Variants in MARK3 observed in about 807,000 individuals in gnomAD.
MARK3 encodes microtubule affinity regulating kinase 3, also known as MAP/microtubule affinity-regulating kinase 3.
In MARK3, 46 loss-of-function variants were observed where a neutral mutation model predicts 90.1. The observed-to-expected ratio is 0.51, with a 90% CI of 0.40 to 0.65. The LOEUF (loss-of-function observed/expected upper bound fraction) is 0.65, where lower values mean the gene tolerates loss of function less well. MARK3 is among the 30% of genes least tolerant of loss of function. The pLI is 0.00. For missense variants in MARK3, 818 were observed against 947.2 expected (o/e 0.86, Z 1.79); for synonymous variants, 321 against 332.6 (o/e 0.97, Z 0.38).
At chr14:103,458,454 CAAAAAAAA>C (rs36020485) in intron 6 of MARK3, among the ~76,000 whole-genome samples, 6 of 30,784 alleles carry the variant, frequency 1.9e-4, no homozygotes, top group Admixed American at 1.6e-3. Flanking sequence ...GACTCCATCT[CAAAAAAAA>C]AAAAAAAAAA....
intron 13 of MARK3, among the ~76,000 whole-genome samples, chr14:103,479,881 C>G (rs1331108127): frequency 6.6e-6 from 1 of 152,130 alleles, no homozygotes; most frequent in East Asian, 1.9e-4. Context: ...CTCAGGAGAT[C>G]CGCCCACCTC....
intron 15 of MARK3, among the ~76,000 whole-genome samples, chr14:103,498,176 C>G (rs1355579859): frequency 2.0e-5 from 3 of 151,000 alleles, no homozygotes; most frequent in Non-Finnish European, 4.4e-5. Flanking sequence ...GAGATTGCAC[C>G]ACTGCACTGT....
intron 12 of MARK3, among the ~76,000 whole-genome samples, chr14:103,471,027 C>A (rs1460781490): frequency 6.6e-6 from 1 of 152,182 alleles, no homozygotes; most frequent in Non-Finnish European, 1.5e-5. Context: ...CTCATTCTCA[C>A]ATCAGGATTT....
At position 103,503,040 on chromosome 14, in the gene MARK3, A is replaced by G; in HGVS notation, c.2075A>G (p.Gln692Arg). The change falls in exon 18 of 18, where the codon CAG (glutamine) becomes CGG (arginine). Residue 692 changes from glutamine (Q) to arginine (R), a missense_variant. Around this residue, in one of 3 missense-constraint regions of MARK3, gnomAD observed 560 missense variants for 613.5 expected, o/e 0.91. Coordinates refer to ENST00000429436, the MANE Select transcript of MARK3 (RefSeq NM_001128918.3). Reference sequence around the variant, plus strand: ...GACGCCAATAACTGCGACTATGAGCAGAGGGAGCGCTTCTTGCTCTTCTGC... The same window carrying G: ...GACGCCAATAACTGCGACTATGAGCGGAGGGAGCGCTTCTTGCTCTTCTGC... ...VLDANNCDYE[Q>R]RERFLLFCVH... The G allele has an allele frequency of 6.2e-7, 1 of 1,614,254 alleles. No homozygotes were observed. The highest frequency in any genetic ancestry group is 8.5e-7 in the Non-Finnish European group (1 of 1,180,052).
rs532268849 is a variant in MARK3 at position 103,492,895 on chromosome 14, C to T, written c.1844+861C>T. 5.9e-5 allele frequency among the ~76,000 whole-genome samples: 9 copies of T among 152,260 alleles called. No individual in the cohort carries two copies. In the South Asian group the frequency reaches 1.9e-3, roughly 32 times the overall value. Reference sequence around the variant, plus strand: ...AAGGAGCCCAGGAAACCCAAGAGCCCCTGCAGTTTCAGGACATCCTTGGAG... The same window carrying T: ...AAGGAGCCCAGGAAACCCAAGAGCCTCTGCAGTTTCAGGACATCCTTGGAG... On this transcript the variant is annotated intron_variant, in intron 15 of 17. Transcript: ENST00000429436.
chr14:103,390,187 G>T (rs1481336194), intron 1 of MARK3, among the ~76,000 whole-genome samples: 1 of 152,040 alleles, frequency 6.6e-6, no homozygotes. Flanking sequence ...GGCGGAGCTT[G>T]CAGTGAGCCA....
intron 14 of MARK3, among the ~76,000 whole-genome samples, chr14:103,484,860 G>T (rs1055125103): frequency 1.1e-4 from 16 of 151,990 alleles, no homozygotes; most frequent in Admixed American, 3.9e-4. Context: ...GGCAGAGGTT[G>T]CAGTGAGCCG....
chr14:103,453,517 A>G (rs1019815087), intron 5 of MARK3, among the ~76,000 whole-genome samples: 4 of 152,232 alleles, frequency 2.6e-5, no homozygotes, highest in Non-Finnish European at 5.9e-5. Context: ...GTGGAAAACA[A>G]TGAGTTGTAG....
intron 2 of MARK3, among the ~76,000 whole-genome samples, chr14:103,427,454 C>A (rs968068873): frequency 3.6e-5 from 5 of 138,458 alleles, no homozygotes; most frequent in African/African-American, 8.1e-5. Flanking sequence ...GAGCCGAGAT[C>A]ATGTCACTGC....
At chr14:103,480,067 G>C (rs1437013728) in intron 13 of MARK3, among the ~76,000 whole-genome samples, 2 of 151,884 alleles carry the variant, frequency 1.3e-5, no homozygotes, top group Admixed American at 1.3e-4. Context: ...GTTGCAGTGA[G>C]CCGAGATCGC....
chr14:103,452,290 C>T (rs2093165426), intron 5 of MARK3, among the ~76,000 whole-genome samples: 1 of 151,966 alleles, frequency 6.6e-6, no homozygotes, highest in South Asian at 2.1e-4. Flanking sequence ...AGCATGTTCA[C>T]GTTGCCCTCA....
chr14:103,480,340 A>G (rs1397247366), intron 13 of MARK3, 47 bp from the exon 14 acceptor site: 1 of 1,102,590 alleles, frequency 9.1e-7, no homozygotes, highest in East Asian at 2.4e-5. Flanking sequence ...TTCTCATTGT[A>G]CTGTATTTAC....
At chr14:103,435,296 T>G (rs904625224) in intron 3 of MARK3, among the ~76,000 whole-genome samples, 1 of 152,166 alleles carries the variant, frequency 6.6e-6, no homozygotes, top group African/African-American at 2.4e-5. Context: ...TCTTGGCGGG[T>G]CTAGAAATGT....
chr14:103,451,035 AT>A (rs1471695243), intron 4 of MARK3, among the ~76,000 whole-genome samples: 1 of 144,866 alleles, frequency 6.9e-6, no homozygotes, highest in Non-Finnish European at 1.5e-5. Context: ...GGCTCAGGCC[AT>A]TCTCCCACCT....
At chr14:103,486,743 C>T (rs1439400244) in intron 14 of MARK3, among the ~76,000 whole-genome samples, 1 of 152,046 alleles carries the variant, frequency 6.6e-6, no homozygotes, top group Non-Finnish European at 1.5e-5. Flanking sequence ...AATTTGCAAA[C>T]ATCTTACTGA....
At chr14:103,473,511 G>A (rs532374909) in intron 12 of MARK3, among the ~76,000 whole-genome samples, 5 of 152,264 alleles carry the variant, frequency 3.3e-5, no homozygotes, top group African/African-American at 1.2e-4. Context: ...TCATGGTATT[G>A]GGAAGAAAGA....
chr14:103,468,789 CTT>C (rs372468049), intron 12 of MARK3, among the ~76,000 whole-genome samples: 57 of 138,548 alleles, frequency 4.1e-4, no homozygotes, highest in Admixed American at 5.1e-4. Flanking sequence ...TGTAGTTTTC[CTT>C]TTTTTTTTTT....
At chr14:103,426,390 G>A (rs2092405271) in intron 2 of MARK3, among the ~76,000 whole-genome samples, 1 of 151,938 alleles carries the variant, frequency 6.6e-6, no homozygotes, top group Admixed American at 6.6e-5. Context: ...GGACCAAAAA[G>A]TGTGAGAATG....
intron 17 of MARK3, among the ~76,000 whole-genome samples, chr14:103,501,000 C>T (rs987872632): frequency 2.6e-5 from 4 of 152,168 alleles, no homozygotes; most frequent in Admixed American, 6.5e-5. Context: ...GACTCTATGT[C>T]CCTTGTTCTA....
Sources: gnomAD v4.1 joint callset for allele counts (sites outside exome capture counted in the v4.1 genomes callset) on GRCh38, gnomAD v4.1.1 for gene constraint, gnomAD v4.1.1 regional missense constraint, MANE v1.5 for transcripts, NCBI Gene and HGNC (gene_info 2026-07-23, HGNC 2026-07-21) for gene names.